GAN: variants seen among roughly 807,000 people sequenced by gnomAD.
The protein encoded by GAN is epididymis secretory sperm binding protein.
GAN carries 48 observed loss-of-function variants against 71.3 expected under a neutral mutation model. The ratio of observed to expected loss-of-function variants is 0.67; its 90% CI spans 0.53 to 0.86. The LOEUF (loss-of-function observed/expected upper bound fraction) is 0.86, where lower values mean the gene tolerates loss of function less well. Ranked by LOEUF, GAN falls within the 40% of genes least tolerant of loss-of-function variation. The pLI, the probability that GAN is intolerant of heterozygous loss-of-function variation, is 0.00. For missense variants in GAN, 928 were observed against 770.1 expected, an observed-to-expected ratio of 1.21 and a Z score of -2.43; for synonymous variants, 386 against 276.8, an observed-to-expected ratio of 1.39 and a Z score of -3.92.
At position 81,362,559 on chromosome 16, in the gene GAN, A is replaced by T. The variant is rs1910710713; in HGVS notation, c.1034A>T (p.Glu345Val). ...AATAAGCAGACTCTTAGCTCAGGAG[A>T]AAAGTATGATCCAGATGCAAATACA... Reference protein sequence around the residue: ...DENKQTLSSGEKYDPDANTWT... With the variant: ...DENKQTLSSGVKYDPDANTWT... The change falls in exon 6 of 11, where the codon GAA (glutamate) becomes GTA (valine). Residue 345 changes from glutamate (E) to valine (V), a missense_variant. Transcript: ENST00000648994. 3 of 1,610,278 alleles carry T rather than the reference A, an allele frequency of 1.9e-6. No homozygotes were observed. The highest frequency in any genetic ancestry group is 2.6e-6 in the Non-Finnish European group (3 of 1,176,456).
chr16:81,375,505 T>G (rs1407717172), intron 9 of GAN, among the ~76,000 whole-genome samples: 1 of 151,980 alleles, frequency 6.6e-6, no homozygotes, highest in Non-Finnish European at 1.5e-5. Flanking sequence ...TTTTGTATTT[T>G]TTGTAAAGAC....
chr16:81,377,672 GC>G lies in GAN; in HGVS notation c.*77del. ...AGCTCCGAAAGGGAGAGCAGAGATG[GC>G]AGCTGAAACTCACTCTGTGCTGGGC... On this transcript the variant is annotated 3_prime_UTR_variant, in exon 11 of 11. Coordinates refer to ENST00000648994, the MANE Select transcript of GAN (RefSeq NM_022041.4). 7.6e-7 allele frequency: 1 copy of G among 1,316,576 alleles called. No individual in the cohort carries two copies. Among genetic ancestry groups the G allele is most frequent in the Non-Finnish European group, 1.1e-6 (1 of 910,218 alleles). 81.6% of individuals were successfully genotyped at this position (1,316,576 alleles called of 1,614,324 possible). A position where few individuals can be genotyped will look rare whatever the true frequency, so the allele number is the denominator to read the frequency against.
intron 1 of GAN, among the ~76,000 whole-genome samples, chr16:81,346,747 G>T (rs1399751431): frequency 6.6e-6 from 1 of 152,146 alleles, no homozygotes; most frequent in African/African-American, 2.4e-5. Context: ...AGGCTCTGGG[G>T]AAAACTTCAG....
chr16:81,382,657 A>G lies in GAN; in HGVS notation c.*5061A>G, dbSNP rs1166959228. ...GAGAAATTACAGAAATTCATAGTAT[A>G]AGGATGAGAAGGGGCCCATTTGCCC... On this transcript the variant is annotated 3_prime_UTR_variant, in exon 11 of 11. Transcript: ENST00000648994. 1 of 152,222 alleles carries G rather than the reference A, an allele frequency of 6.6e-6. No individual in the cohort carries two copies. Among genetic ancestry groups the G allele is most frequent in the Non-Finnish European group, 1.5e-5 (1 of 68,038 alleles). The allele number at this position is 152,222 out of a possible 1,614,324, so 9.4% of individuals were successfully genotyped here.
In GAN at chr16:81,354,534, C is replaced by A; in HGVS notation, c.412C>A (p.Arg138Ser). Residue 138 changes from arginine to serine, a missense_variant, in exon 3 of 11, where the codon CGT (arginine) becomes AGT (serine). Transcript: ENST00000648994. ...CIAAENCIGI[R>S]DFALHYCLHH... ...TGCTGCTGAGAACTGTATTGGTATC[C>A]GTGACTTTGCACTACATTACTGCCT... The A allele has an allele frequency of 6.2e-7, 1 of 1,613,942 alleles. No homozygotes were observed. Among genetic ancestry groups the A allele is most frequent in the Non-Finnish European group, 8.5e-7 (1 of 1,179,846 alleles).
At chr16:81,336,380 A>G (rs1361243435) in intron 1 of GAN, among the ~76,000 whole-genome samples, 2 of 152,228 alleles carry the variant, frequency 1.3e-5, no homozygotes, top group Admixed American at 6.5e-5. Context: ...AGACAAGGCC[A>G]TCTGTTGATG....
In GAN at chr16:81,377,586, A is replaced by C; in HGVS notation, c.1784A>C (p.His595Pro). The C allele has an allele frequency of 6.2e-7, 1 of 1,614,142 alleles. No homozygotes were observed. The highest frequency in any genetic ancestry group is 1.1e-5 in the South Asian group (1 of 91,074). Reference sequence around the variant, plus strand: ...CAAGGCTTATTCCGTATTCGTGTTCATTCCCCTTGAGGAGGAAGCAGAGCA... The same window carrying C: ...CAAGGCTTATTCCGTATTCGTGTTCCTTCCCCTTGAGGAGGAAGCAGAGCA... ...LQQGLFRIRVHSP is the reference protein window; with the variant it reads ...LQQGLFRIRVPSP Residue 595 changes from histidine to proline, a missense_variant, in exon 11 of 11, where the codon CAT becomes CCT. Transcript: ENST00000648994.
Position 81,332,161 on chromosome 16 carries a change from C to CCA in GAN, c.167+16881_167+16882insCA, listed in dbSNP as rs1555509384. Among the ~76,000 whole-genome samples the CCA allele has an allele frequency of 6.4e-3, 390 of 60,650 alleles. 2 individuals are homozygous for CCA. Among genetic ancestry groups the CCA allele is most frequent in the East Asian group, 0.041 (46 of 1,122 alleles). The allele number at this position is 60,650 out of a possible 152,430, so 39.8% of individuals were successfully genotyped here. A position where few individuals can be genotyped will look rare whatever the true frequency, so the allele number is the denominator to read the frequency against. On this transcript the variant is annotated intron_variant, in intron 1 of 10. Transcript: ENST00000648994. Reference sequence around the variant, plus strand: ...GGGCAACGAGAGGGAAAATCTGTCTCAAAAAAAAAAAAAAAGAAAAAGAAA... The same window carrying CCA: ...GGGCAACGAGAGGGAAAATCTGTCTCCAAAAAAAAAAAAAAAAGAAAAAGAAA...
intron 1 of GAN, among the ~76,000 whole-genome samples, chr16:81,321,233 G>A (rs762811588): frequency 1.3e-5 from 2 of 152,202 alleles, no homozygotes; most frequent in Non-Finnish European, 2.9e-5. Flanking sequence ...ACTAGTGTCT[G>A]TAGCATAGAG....
chr16:81,350,013 C>A (rs552637922), intron 1 of GAN, among the ~76,000 whole-genome samples: 5 of 151,926 alleles, frequency 3.3e-5, no homozygotes, highest in African/African-American at 1.2e-4. Context: ...GATATAAGTT[C>A]TTAAAACAAA....
At chr16:81,360,896 A>G (rs1438253091) in intron 5 of GAN, among the ~76,000 whole-genome samples, 1 of 152,090 alleles carries the variant, frequency 6.6e-6, no homozygotes, top group Non-Finnish European at 1.5e-5. Context: ...GGTATGTCTG[A>G]TATCTGTGGC....
chr16:81,348,841 C>G (rs1170641702), intron 1 of GAN, among the ~76,000 whole-genome samples: 1 of 152,176 alleles, frequency 6.6e-6, no homozygotes, highest in Non-Finnish European at 1.5e-5. Flanking sequence ...ATCAAGTCCT[C>G]CAGAAGAGTC....
At chr16:81,334,980 TAAAC>T (rs1271120902) in intron 1 of GAN, among the ~76,000 whole-genome samples, 5 of 152,178 alleles carry the variant, frequency 3.3e-5, no homozygotes, top group African/African-American at 7.2e-5. Flanking sequence ...ATATTGACAT[TAAAC>T]AAATGCGTCT....
chr16:81,390,052 G>T lies in GAN; in HGVS notation c.*12456G>T, dbSNP rs576622599. On this transcript the variant is annotated 3_prime_UTR_variant, in exon 11 of 11. Coordinates refer to ENST00000648994, the MANE Select transcript of GAN (RefSeq NM_022041.4). ...GTAGAATTCCAAGTAGGTCTGCTTAGACACATATTCAGTGAAGATTGTATT... is the reference window on the plus strand; with the variant it reads ...GTAGAATTCCAAGTAGGTCTGCTTATACACATATTCAGTGAAGATTGTATT... The T allele has an allele frequency of 1.3e-5, 2 of 152,226 alleles. No individual in the cohort carries two copies. Among genetic ancestry groups the T allele is most frequent in the East Asian group, 3.9e-4 (2 of 5,180 alleles). 9.4% of individuals were successfully genotyped at this position (152,226 alleles called of 1,614,324 possible).
rs1239927330 is a variant in GAN, at chr16:81,383,491, G to T, written c.*5895G>T. 2 of 150,048 alleles carry T rather than the reference G, an allele frequency of 1.3e-5. No homozygotes were observed. Among genetic ancestry groups the T allele is most frequent in the Non-Finnish European group, 3.0e-5 (2 of 67,670 alleles). The allele number at this position is 150,048 out of a possible 1,614,324, so 9.3% of individuals were successfully genotyped here. On this transcript the variant is annotated 3_prime_UTR_variant, in exon 11 of 11. Coordinates refer to ENST00000648994, the MANE Select transcript of GAN (RefSeq NM_022041.4). ...ATGGTCTCGATCTCCTAAACTTCGT[G>T]ATCCGCCCGCCTCAGCCTCCCAAAG...
chr16:81,360,138 CA>C (rs1227452797), intron 5 of GAN, among the ~76,000 whole-genome samples: 1 of 152,022 alleles, frequency 6.6e-6, no homozygotes, highest in Non-Finnish European at 1.5e-5. Flanking sequence ...AGATAGTGTT[CA>C]TTTAGATTTG....
At chr16:81,362,712 C>A in intron 6 of GAN, 101 bp downstream of exon 6, 2 of 753,880 alleles carry the variant, frequency 2.7e-6, no homozygotes, top group South Asian at 2.9e-5. Context: ...GCAGCCTTGT[C>A]AAGCCACCTG....
chr16:81,388,959 G>C lies in GAN; in HGVS notation c.*11363G>C, dbSNP rs982226732. ...AGTCTAGCATATGCTCATTGAAATTGACTTATGTTTTATTTTAAAAAATCA... is the reference window on the plus strand; with the variant it reads ...AGTCTAGCATATGCTCATTGAAATTCACTTATGTTTTATTTTAAAAAATCA... On this transcript the variant is annotated 3_prime_UTR_variant, in exon 11 of 11. Transcript: ENST00000648994. 2 of 152,118 alleles carry C rather than the reference G, an allele frequency of 1.3e-5. No individual in the cohort carries two copies. The highest frequency in any genetic ancestry group is 4.8e-5 in the African/African-American group (2 of 41,418). The allele number at this position is 152,118 out of a possible 1,614,324, so 9.4% of individuals were successfully genotyped here. A position where few individuals can be genotyped will look rare whatever the true frequency, so the allele number is the denominator to read the frequency against.
chr16:81,374,064 C>T (rs1364686450), intron 9 of GAN, among the ~76,000 whole-genome samples: 1 of 152,160 alleles, frequency 6.6e-6, no homozygotes, highest in Admixed American at 6.5e-5. Context: ...TTCCTTGACT[C>T]TCATGACCTT....
Sources: gnomAD v4.1 joint callset for allele counts (sites outside exome capture counted in the v4.1 genomes callset) on GRCh38, gnomAD v4.1.1 for gene constraint, MANE v1.5 for transcripts, NCBI Gene and HGNC (gene_info 2026-07-23, HGNC 2026-07-21) for gene names.